DGKB: variants seen among roughly 807,000 people sequenced by gnomAD.
The protein encoded by DGKB is diacylglycerol kinase beta.
A neutral mutation model predicts 114.3 loss-of-function variants in DGKB; 67 were observed. That is an observed-to-expected ratio of 0.59 (90% confidence interval 0.48 to 0.72). DGKB has a LOEUF of 0.72. Ranked by LOEUF, DGKB falls within the 30% of genes least tolerant of loss-of-function variation. The probability of loss-of-function intolerance (pLI) is 0.00; values close to 1 mark genes in which losing one functional copy is unlikely to be tolerated. For synonymous variants in DGKB, 398 were observed against 323.1 expected (o/e 1.23, Z -2.49); for missense variants, 907 against 975.2 (o/e 0.93, Z 0.93).
intron 17 of DGKB, among the ~76,000 whole-genome samples, chr7:14,590,462 T>C (rs541978569): frequency 3.9e-5 from 6 of 152,250 alleles, no homozygotes; most frequent in African/African-American, 1.4e-4. Context: ...TCATCTGTTA[T>C]TCATTCTTGT....
intron 2 of DGKB, among the ~76,000 whole-genome samples, chr7:14,762,253 G>C (rs1309692539): frequency 6.6e-6 from 1 of 152,038 alleles, no homozygotes; most frequent in Admixed American, 6.6e-5. Context: ...ATGTTTATGG[G>C]GAGATGAGTT....
chr7:14,664,885 AAAAG>A (rs748071307), intron 13 of DGKB, among the ~76,000 whole-genome samples: 1 of 151,926 alleles, frequency 6.6e-6, no homozygotes, highest in Non-Finnish European at 1.5e-5. Context: ...AAGGGGAAGA[AAAAG>A]GAAGAAAAGA....
intron 23 of DGKB, among the ~76,000 whole-genome samples, chr7:14,186,066 G>T (rs929570625): frequency 6.6e-6 from 1 of 152,170 alleles, no homozygotes; most frequent in African/African-American, 2.4e-5. Flanking sequence ...GGAACAGTCA[G>T]CAGAGTAAAC....
intron 21 of DGKB, among the ~76,000 whole-genome samples, chr7:14,403,895 G>A (rs1440534947): frequency 6.6e-6 from 1 of 151,844 alleles, no homozygotes; most frequent in Non-Finnish European, 1.5e-5. Context: ...TAAGGATGAT[G>A]TCCCTCACTT....
intron 15 of DGKB, among the ~76,000 whole-genome samples, chr7:14,617,997 T>G (rs1468528238): frequency 6.6e-6 from 1 of 151,554 alleles, no homozygotes; most frequent in Non-Finnish European, 1.5e-5. Context: ...GTTTAAAGGT[T>G]GCTATAATGC....
At chr7:14,369,265 G>A (rs1316363116) in intron 21 of DGKB, among the ~76,000 whole-genome samples, 4 of 152,014 alleles carry the variant, frequency 2.6e-5, no homozygotes, top group Non-Finnish European at 2.9e-5. Context: ...CTTTTTCGTG[G>A]CTGCATAGTA....
intron 21 of DGKB, among the ~76,000 whole-genome samples, chr7:14,469,862 C>T (rs936199126): frequency 1.3e-5 from 2 of 151,746 alleles, no homozygotes; most frequent in African/African-American, 4.8e-5. Context: ...AATGAAAACT[C>T]TTAGCAAATA....
At chr7:14,783,115 C>T (rs998615035) in intron 2 of DGKB, among the ~76,000 whole-genome samples, 2 of 152,070 alleles carry the variant, frequency 1.3e-5, no homozygotes, top group Non-Finnish European at 2.9e-5. Flanking sequence ...TTTGAAGGCT[C>T]GATCATTTCA....
intron 1 of DGKB, among the ~76,000 whole-genome samples, chr7:14,939,243 A>C (rs1785431545): frequency 1.3e-5 from 2 of 152,204 alleles, no homozygotes; most frequent in African/African-American, 4.8e-5. Flanking sequence ...ATGTTTTATA[A>C]GTTCAAATTT....
chr7:14,176,654 C>G (rs1781782282), intron 25 of DGKB, 185 bp downstream of exon 25: 1 of 1,326,442 alleles, frequency 7.5e-7, no homozygotes, highest in Non-Finnish European at 9.6e-7. Flanking sequence ...AAATCATTGC[C>G]AAGGGTATAT....
chr7:14,723,020 T>TATTC (rs943669319), intron 5 of DGKB, among the ~76,000 whole-genome samples: 2 of 150,884 alleles, frequency 1.3e-5, no homozygotes, highest in Admixed American at 6.6e-5. Context: ...TTTATTTATT[T>TATTC]ATTCATTTTT....
chr7:14,954,298 G>A (rs1241008056), intron 1 of DGKB, among the ~76,000 whole-genome samples: 1 of 152,020 alleles, frequency 6.6e-6, no homozygotes, highest in African/African-American at 2.4e-5. Context: ...TAAAGGGGAT[G>A]TAGAGCATTT....
intron 23 of DGKB, among the ~76,000 whole-genome samples, chr7:14,302,855 T>A (rs10239934): frequency 0.081 from 12,302 of 152,168 alleles, 583 homozygotes; most frequent in East Asian, 0.15. Flanking sequence ...TTTGCTGTAA[T>A]GTAAGATCTA....
At chr7:14,176,463 T>G in intron 25 of DGKB, 1 of 993,442 alleles carries the variant, frequency 1.0e-6, no homozygotes, top group Non-Finnish European at 1.2e-6. Context: ...ACATATAAGC[T>G]TAGGTCTGCA....
chr7:14,958,817 G>A (rs1346090538), intron 1 of DGKB, among the ~76,000 whole-genome samples: 1 of 152,002 alleles, frequency 6.6e-6, no homozygotes, highest in Non-Finnish European at 1.5e-5. Flanking sequence ...ATAGCGTGCT[G>A]GAATCTCTCT....
chr7:14,799,693 C>G (rs1159879900), intron 2 of DGKB, among the ~76,000 whole-genome samples: 1 of 152,164 alleles, frequency 6.6e-6, no homozygotes, highest in East Asian at 1.9e-4. Flanking sequence ...GTTACCTCAG[C>G]TCATTTAATG....
chr7:14,518,757 A>T (rs1789258870), intron 20 of DGKB, among the ~76,000 whole-genome samples: 1 of 151,742 alleles, frequency 6.6e-6, no homozygotes, highest in Non-Finnish European at 1.5e-5. Context: ...GGAGATAAGA[A>T]TTGTTCCCAA....
In DGKB at chr7:14,781,218, T is replaced by A. The variant is rs139838254; in HGVS notation, c.71-23487A>T. Among the ~76,000 whole-genome samples, 264 of 152,280 alleles carry A rather than the reference T, an allele frequency of 1.7e-3. 1 individual carries two copies. The highest frequency in any genetic ancestry group is 6.0e-3 in the African/African-American group (249 of 41,562). On this transcript the variant is annotated intron_variant, in intron 2 of 25. Coordinates refer to ENST00000402815, the MANE Select transcript of DGKB (RefSeq NM_001350709.2). ...TCACAGCCTTCAAAAATAACAAGGG[T>A]GGAGGGCAATATACTGGTATAAAGT...
intron 1 of DGKB, among the ~76,000 whole-genome samples, chr7:14,964,751 T>C (rs1236124113): frequency 3.9e-5 from 6 of 152,120 alleles, no homozygotes; most frequent in African/African-American, 1.4e-4. Flanking sequence ...GAATTGACTG[T>C]TGGTCATTAA....
Sources: gnomAD v4.1 joint callset for allele counts (sites outside exome capture counted in the v4.1 genomes callset) on GRCh38, gnomAD v4.1.1 for gene constraint, MANE v1.5 for transcripts, NCBI Gene and HGNC (gene_info 2026-07-23, HGNC 2026-07-21) for gene names.